SMOC2: variants seen among roughly 807,000 people sequenced by gnomAD.
The protein encoded by SMOC2 is SPARC-related modular calcium-binding protein 2.
In SMOC2, 39 loss-of-function variants were observed where a neutral mutation model predicts 61.4. That is an observed-to-expected ratio of 0.64 (90% CI 0.49 to 0.83). SMOC2 has a LOEUF of 0.83. SMOC2 is among the 40% of genes least tolerant of loss of function. The probability of loss-of-function intolerance (pLI) is 0.00; values close to 1 mark genes in which losing one functional copy is unlikely to be tolerated. For missense variants in SMOC2, 556 were observed against 592.9 expected (o/e 0.94, Z 0.65); for synonymous variants, 247 against 239.9 (o/e 1.03, Z -0.27).
chr6:168,650,469 A>G (rs962742707), intron 9 of SMOC2, among the ~76,000 whole-genome samples: 2 of 152,216 alleles, frequency 1.3e-5, no homozygotes, highest in Non-Finnish European at 2.9e-5. Context: ...TTTTAGTCTC[A>G]CGTAATAATT....
chr6:168,563,776 A>G (rs1181762836), intron 7 of SMOC2, among the ~76,000 whole-genome samples: 1 of 152,194 alleles, frequency 6.6e-6, no homozygotes, highest in Non-Finnish European at 1.5e-5. Context: ...CTAGCCTCTC[A>G]ACTGTGACAA....
chr6:168,566,096 A>G (rs1784534695), intron 7 of SMOC2, among the ~76,000 whole-genome samples: 1 of 152,230 alleles, frequency 6.6e-6, no homozygotes, highest in Non-Finnish European at 1.5e-5. Context: ...GTGAACTAAG[A>G]AAAAATCCAC....
At chr6:168,508,459 T>C (rs1389105202) in intron 1 of SMOC2, among the ~76,000 whole-genome samples, 1 of 152,100 alleles carries the variant, frequency 6.6e-6, no homozygotes, top group Non-Finnish European at 1.5e-5. Flanking sequence ...CCGAGTTAGC[T>C]CCACTGACAC....
intron 4 of SMOC2, among the ~76,000 whole-genome samples, chr6:168,538,665 G>A (rs1344010285): frequency 7.0e-5 from 7 of 99,946 alleles, no homozygotes; most frequent in Admixed American, 4.6e-4. Flanking sequence ...TGGGGTGACC[G>A]CTGCTGGAAT....
chr6:168,474,091 C>G (rs1782025689), intron 1 of SMOC2, among the ~76,000 whole-genome samples: 1 of 152,148 alleles, frequency 6.6e-6, no homozygotes, highest in Non-Finnish European at 1.5e-5. Context: ...TTTGTTCTTT[C>G]CTCTGTTCAT....
At chr6:168,456,771 G>C (rs1364255950) in intron 1 of SMOC2, among the ~76,000 whole-genome samples, 1 of 152,206 alleles carries the variant, frequency 6.6e-6, no homozygotes, top group African/African-American at 2.4e-5. Flanking sequence ...GGATTTCCTG[G>C]AGGGGACTCT....
rs9456114 is a variant in SMOC2, at chr6:168,453,828, G to A, written c.84+12374G>A. ...CCATCTCTGTCCTCTATCTCTCTCC[G>A]TCTCTCTGTTTGTCTCTCATTCTTT... On this transcript the variant is annotated intron_variant, in intron 1 of 12. Transcript: ENST00000356284. This position sits in a 1 kb window ranked among gnomAD's most constrained non-coding sequence, Gnocchi z 4.4. Among the ~76,000 whole-genome samples the A allele has an allele frequency of 0.022, 3,219 of 146,294 alleles. 61 individuals carry two copies. Among genetic ancestry groups the A allele is most frequent in the Non-Finnish European group, 0.037 (2,463 of 66,916 alleles).
At chr6:168,552,009 T>C (rs755140325) in intron 7 of SMOC2, among the ~76,000 whole-genome samples, 3 of 152,196 alleles carry the variant, frequency 2.0e-5, no homozygotes, top group Non-Finnish European at 2.9e-5. Flanking sequence ...CACTATAATT[T>C]GGTTTAAGTC....
In SMOC2 at chr6:168,644,941, G is replaced by T. The variant is rs187771306; in HGVS notation, c.908-5740G>T. Among the ~76,000 whole-genome samples the T allele has an allele frequency of 1.6e-3, 236 of 152,150 alleles. 1 individual carries two copies. Among genetic ancestry groups the T allele is most frequent in the Non-Finnish European group, 2.6e-3 (178 of 68,016 alleles). ...CTGGGATTACAGGCGTGAGCCACCAGACCCACAAGTGAATGCCTACTTACA... is the reference window on the plus strand; with the variant it reads ...CTGGGATTACAGGCGTGAGCCACCATACCCACAAGTGAATGCCTACTTACA... On this transcript the variant is annotated intron_variant, in intron 9 of 12. Coordinates refer to ENST00000356284, the MANE Select transcript of SMOC2 (RefSeq NM_001166412.2).
chr6:168,629,750 G>T (rs1265657047), intron 9 of SMOC2, among the ~76,000 whole-genome samples: 2 of 152,208 alleles, frequency 1.3e-5, no homozygotes, highest in African/African-American at 4.8e-5. Flanking sequence ...GAATGTGTGT[G>T]GGGAAGCTGG....
intron 4 of SMOC2, among the ~76,000 whole-genome samples, chr6:168,531,512 A>G (rs1783602043): frequency 6.6e-6 from 1 of 152,216 alleles, no homozygotes; most frequent in Non-Finnish European, 1.5e-5. Context: ...AAGATAGGAA[A>G]AGACACATCC....
intron 1 of SMOC2, among the ~76,000 whole-genome samples, chr6:168,445,569 C>T (rs1164004139): frequency 6.6e-6 from 1 of 152,182 alleles, no homozygotes; most frequent in Admixed American, 6.5e-5. Context: ...CGTACCTCAT[C>T]CTGTTTTGAT....
chr6:168,650,801 TG>T lies in SMOC2; in HGVS notation c.1010+21del. ...TCAGGCAGGTACGCTGTGTTCGCCGTGGGACAACAAGTTGGCAGGGTCCCAG... is the reference window on the plus strand; with the variant it reads ...TCAGGCAGGTACGCTGTGTTCGCCGTGGACAACAAGTTGGCAGGGTCCCAG... On this transcript the variant is annotated intron_variant, in intron 10 of 12. Transcript: ENST00000356284. 6.2e-7 allele frequency: 1 copy of T among 1,600,496 alleles called. No individual in the cohort carries two copies.
chr6:168,595,166 C>T (rs62422509), intron 7 of SMOC2, among the ~76,000 whole-genome samples: 12,896 of 79,264 alleles, frequency 0.16, 20 homozygotes, highest in Middle Eastern at 0.2. Context: ...AGAGGATCGC[C>T]GAGCTCCTCC....
chr6:168,626,807 T>A (rs1786423507), intron 9 of SMOC2, among the ~76,000 whole-genome samples: 2 of 152,196 alleles, frequency 1.3e-5, no homozygotes, highest in African/African-American at 4.8e-5. Context: ...AGGTAACGGC[T>A]GAAGGAGATG....
At chr6:168,500,802 C>T (rs73040340) in intron 1 of SMOC2, among the ~76,000 whole-genome samples, 16,685 of 152,226 alleles carry the variant, frequency 0.11, 1,251 homozygotes, top group Non-Finnish European at 0.16. Flanking sequence ...CAGTGGCCGC[C>T]GAGGACGCAC....
chr6:168,452,098 A>G lies in SMOC2; in HGVS notation c.84+10644A>G. Among the ~76,000 whole-genome samples the G allele has an allele frequency of 6.6e-6, 1 of 152,216 alleles. No homozygotes were observed. Among genetic ancestry groups the G allele is most frequent in the Non-Finnish European group, 1.5e-5 (1 of 68,040 alleles). On this transcript the variant is annotated intron_variant, in intron 1 of 12. Coordinates refer to ENST00000356284, the MANE Select transcript of SMOC2 (RefSeq NM_001166412.2). The surrounding 1 kb of genome is among the most constrained non-coding windows in gnomAD (Gnocchi z 5.0). ...GGTGGGGTCTGGGGTTACCACCACC[A>G]GCAAAGTTTCTGCCACCTTGCCTGC...
intron 9 of SMOC2, among the ~76,000 whole-genome samples, chr6:168,627,266 T>G (rs1041511868): frequency 6.6e-6 from 1 of 152,210 alleles, no homozygotes; most frequent in African/African-American, 2.4e-5. Context: ...AAGCACCTTA[T>G]AAAAATTGCC....
chr6:168,630,481 G>A (rs148543756), intron 9 of SMOC2, among the ~76,000 whole-genome samples: 109 of 152,258 alleles, frequency 7.2e-4, no homozygotes, highest in Admixed American at 2.7e-3. Context: ...CCTGTCAGCC[G>A]AGGAGGATGT....
Sources: allele counts gnomAD v4.1 joint callset (sites outside exome capture counted in the v4.1 genomes callset), GRCh38; gene constraint gnomAD v4.1.1; non-coding constraint Gnocchi (gnomAD v3.1); transcripts MANE v1.5; gene names NCBI Gene and HGNC (gene_info 2026-07-23, HGNC 2026-07-21).